The following NUP160 variants were observed in gnomAD, a reference collection of about 807,000 sequenced individuals.
The protein encoded by NUP160 is nucleoporin 160, also known as nuclear pore complex protein Nup160.
In NUP160, 94 loss-of-function variants were observed where a neutral mutation model predicts 196.9. The ratio of observed to expected loss-of-function variants is 0.48; its 90% CI spans 0.40 to 0.57. The LOEUF (loss-of-function observed/expected upper bound fraction) is 0.57, where lower values mean the gene tolerates loss of function less well. NUP160 is among the 20% of genes least tolerant of loss of function. The pLI, the probability that NUP160 is intolerant of heterozygous loss-of-function variation, is 0.00. For synonymous variants in NUP160, 605 were observed against 619.7 expected (o/e 0.98, Z 0.35); for missense variants, 1,638 against 1,748.3 (o/e 0.94, Z 1.13).
At chr11:47,822,541 C>T (rs1480317091) in intron 7 of NUP160, among the ~76,000 whole-genome samples, 1 of 151,758 alleles carries the variant, frequency 6.6e-6, no homozygotes, top group African/African-American at 2.4e-5. Context: ...CAGGCGTGAG[C>T]CACTGCACCC....
intron 35 of NUP160, among the ~76,000 whole-genome samples, chr11:47,780,111 G>A (rs534039356): frequency 3.9e-5 from 6 of 152,292 alleles, no homozygotes; most frequent in African/African-American, 1.4e-4. Flanking sequence ...TGGACCGACT[G>A]CTTGCCATTT....
chr11:47,801,801 C>A lies in NUP160; in HGVS notation c.2895+10G>T, dbSNP rs2135362702. The A allele has an allele frequency of 6.2e-7, 1 of 1,613,288 alleles. No individual in the cohort carries two copies. Among genetic ancestry groups the A allele is most frequent in the East Asian group, 2.2e-5 (1 of 44,854 alleles). On this transcript the variant is annotated intron_variant, in intron 23 of 35. Coordinates refer to ENST00000378460, the Ensembl canonical transcript of NUP160. ...AGGGTGGTATAAGGCCAAACCAAGACATGATGTACCTTGTCATAATACTGC... is the reference window on the plus strand; with the variant it reads ...AGGGTGGTATAAGGCCAAACCAAGAAATGATGTACCTTGTCATAATACTGC...
At chr11:47,782,647 T>G (rs2097662112) in intron 34 of NUP160, among the ~76,000 whole-genome samples, 1 of 151,618 alleles carries the variant, frequency 6.6e-6, no homozygotes, top group Admixed American at 6.6e-5. Context: ...GTATTTTATT[T>G]ATTTATTATT....
Position 47,805,746 on chromosome 11 carries a change from G to A in NUP160, c.2606+407C>T, listed in dbSNP as rs116173142. ...CAGGCGTGAGCCACTGCGCCTGGCC[G>A]AATAATGTCTTAAAACAGACCTAGG... On this transcript the variant is annotated intron_variant, in intron 20 of 35. Coordinates refer to ENST00000378460, the Ensembl canonical transcript of NUP160. 9.2e-3 allele frequency among the ~76,000 whole-genome samples: 1,400 copies of A among 152,106 alleles called. 27 individuals are homozygous for A. Among genetic ancestry groups the A allele is most frequent in the African/African-American group, 0.032 (1,338 of 41,530 alleles).
chr11:47,801,016 G>A (rs543098491), intron 23 of NUP160, among the ~76,000 whole-genome samples: 1 of 152,266 alleles, frequency 6.6e-6, no homozygotes, highest in East Asian at 1.9e-4. Context: ...GGCCCTAAGA[G>A]AATAGAGCAT....
At chr11:47,844,355 C>A (rs2135406441) in intron 2 of NUP160, among the ~76,000 whole-genome samples, 1 of 152,310 alleles carries the variant, frequency 6.6e-6, no homozygotes. Flanking sequence ...ACAGCTTCTT[C>A]TCATCTTACT....
chr11:47,835,488 C>A (rs1852155133), intron 7 of NUP160, among the ~76,000 whole-genome samples, 163 bp downstream of exon 7: 1 of 152,110 alleles, frequency 6.6e-6, no homozygotes, highest in Non-Finnish European at 1.5e-5. Context: ...CTGACCCCTC[C>A]TTCAAGATCT....
At chr11:47,844,861 A>C (rs1852369064) in intron 2 of NUP160, among the ~76,000 whole-genome samples, 1 of 152,240 alleles carries the variant, frequency 6.6e-6, no homozygotes, top group African/African-American at 2.4e-5. Context: ...CAGGTCATAA[A>C]GACCTTGCTG....
intron 34 of NUP160, among the ~76,000 whole-genome samples, chr11:47,781,733 A>G (rs1210489039): frequency 6.6e-6 from 1 of 152,190 alleles, no homozygotes; most frequent in East Asian, 1.9e-4. Context: ...GATTAAATAA[A>G]AAAATGCTTG....
intron 2 of NUP160, among the ~76,000 whole-genome samples, chr11:47,841,013 CAT>C (rs1250371988): frequency 4.3e-5 from 6 of 139,192 alleles, no homozygotes; most frequent in Non-Finnish European, 7.6e-5. Context: ...CATGCGCACA[CAT>C]ATACACACAC....
At position 47,819,471 on chromosome 11, in the gene NUP160, A is replaced by G. The variant is rs1457180644; in HGVS notation, c.1278-13T>C. On this transcript the variant is annotated splice_polypyrimidine_tract_variant and intron_variant, in intron 9 of 35. Coordinates refer to ENST00000378460, the Ensembl canonical transcript of NUP160. ...ACCTGCAACATTACTAGAGACAAAAAAGTCCACCAGTTTATACAGAAATGA... is the reference window on the plus strand; with the variant it reads ...ACCTGCAACATTACTAGAGACAAAAGAGTCCACCAGTTTATACAGAAATGA... 2 of 1,588,168 alleles carry G rather than the reference A, an allele frequency of 1.3e-6. No homozygotes were observed. Among genetic ancestry groups the G allele is most frequent in the Admixed American group, 3.3e-5 (2 of 59,948 alleles).
chr11:47,799,036 A>G (rs186709548), intron 23 of NUP160, among the ~76,000 whole-genome samples: 1 of 152,292 alleles, frequency 6.6e-6, no homozygotes, highest in Admixed American at 6.5e-5. Context: ...AAGAATAGTA[A>G]ATAAACACCA....
chr11:47,830,572 T>C (rs1852053820), intron 7 of NUP160, among the ~76,000 whole-genome samples: 1 of 152,110 alleles, frequency 6.6e-6, no homozygotes, highest in African/African-American at 2.4e-5. Context: ...TGGATGGAAG[T>C]GGAGGTCATT....
At chr11:47,839,184 T>A (rs1852246893) in intron 4 of NUP160, among the ~76,000 whole-genome samples, 1 of 151,564 alleles carries the variant, frequency 6.6e-6, no homozygotes, top group South Asian at 2.1e-4. Context: ...CTCCACCTCT[T>A]GGGTTCAAGC....
chr11:47,836,969 C>T (rs1180366774), exon 6 of NUP160: 1 of 1,613,716 alleles, frequency 6.2e-7, no homozygotes, highest in Non-Finnish European at 8.5e-7. Context: ...AACAGCAAGA[C>T]TGAGGGGACG....
intron 5 of NUP160, 124 bp downstream of exon 5, chr11:47,837,421 T>C (rs2135399980): frequency 2.7e-6 from 2 of 743,670 alleles, no homozygotes; most frequent in South Asian, 1.7e-5. Context: ...TTTAATGTTA[T>C]TCTGACTGTT....
intron 3 of NUP160, 96 bp from the exon 4 acceptor site, chr11:47,840,161 A>C: frequency 1.0e-6 from 1 of 961,064 alleles, no homozygotes; most frequent in Non-Finnish European, 1.6e-6. Context: ...AAAGTAAAAA[A>C]CTGTCAAGTT....
chr11:47,845,279 T>C (rs1852379095), intron 2 of NUP160, among the ~76,000 whole-genome samples: 1 of 152,164 alleles, frequency 6.6e-6, no homozygotes, highest in African/African-American at 2.4e-5. Context: ...TAGCTGGGAT[T>C]ATAGGCATGT....
At chr11:47,797,175 G>C (rs2097671367) in intron 27 of NUP160, among the ~76,000 whole-genome samples, 1 of 152,226 alleles carries the variant, frequency 6.6e-6, no homozygotes, top group South Asian at 2.1e-4. Flanking sequence ...TGGTGAAATA[G>C]CACAGGAACT....
Sources: gnomAD v4.1 joint callset for allele counts (sites outside exome capture counted in the v4.1 genomes callset) on GRCh38, gnomAD v4.1.1 for gene constraint, MANE v1.5 for transcripts, NCBI Gene and HGNC (gene_info 2026-07-23, HGNC 2026-07-21) for gene names.